Variants in SHANK2 observed in about 807,000 individuals in gnomAD.
SHANK2 encodes the protein SH3 and multiple ankyrin repeat domains 2, also known as SH3 and multiple ankyrin repeat domains protein 2.
A neutral mutation model predicts 133.7 loss-of-function variants in SHANK2; 43 were observed. The observed-to-expected ratio is 0.32, with a 90% CI of 0.25 to 0.41. The LOEUF (loss-of-function observed/expected upper bound fraction) is 0.41. Among genes scored for constraint, SHANK2 ranks in the 10% least tolerant of loss-of-function variants. SHANK2 has a pLI of 1.00. For missense variants in SHANK2, 1,994 were observed against 2,235.8 expected (o/e 0.89, Z 2.18); for synonymous variants, 1,017 against 952.8 (o/e 1.07, Z -1.24).
In SHANK2 at chr11:71,188,844, C is replaced by T. The variant is rs1020570481; in HGVS notation, c.-13+35853G>A. ...GGTTTCTCAGGGACCCTGACCTTCT[C>T]TCTAGCAGGGGTCACCCCTCACAGA... On this transcript the variant is annotated intron_variant, in intron 2 of 25. Coordinates refer to ENST00000601538, the MANE Select transcript of SHANK2 (RefSeq NM_012309.5). This position sits in a 1 kb window ranked among gnomAD's most constrained non-coding sequence, Gnocchi z 4.6. Among the ~76,000 whole-genome samples the T allele has an allele frequency of 6.6e-6, 1 of 152,330 alleles. No homozygotes were observed. The highest frequency in any genetic ancestry group is 2.1e-4 in the South Asian group (1 of 4,818).
upstream of SHANK2, among the ~76,000 whole-genome samples, chr11:71,253,153 G>A (rs1555126178): frequency 2.0e-5 from 3 of 152,218 alleles, no homozygotes; most frequent in African/African-American, 7.2e-5. Context: ...CAGGGGGTGG[G>A]GTGGGGGGAG....
At chr11:71,077,479 GC>G (rs1951236992) in intron 8 of SHANK2, among the ~76,000 whole-genome samples, 1 of 152,136 alleles carries the variant, frequency 6.6e-6, no homozygotes, top group South Asian at 2.1e-4. Flanking sequence ...CCAAGAGCAT[GC>G]TTCCATTTTC....
At chr11:70,481,863 G>A (rs2058737300) in intron 25 of SHANK2, among the ~76,000 whole-genome samples, 1 of 152,236 alleles carries the variant, frequency 6.6e-6, no homozygotes, top group African/African-American at 2.4e-5. Context: ...TGAAGACCAC[G>A]CCCAGCAAAG....
intron 10 of SHANK2, among the ~76,000 whole-genome samples, chr11:70,914,329 G>C (rs1370534247): frequency 1.3e-5 from 2 of 151,970 alleles, no homozygotes; most frequent in African/African-American, 4.8e-5. Flanking sequence ...GGCACCAGGA[G>C]AGCATGAGCA....
At chr11:71,123,786 T>C (rs1407190711) in intron 3 of SHANK2, among the ~76,000 whole-genome samples, 3 of 152,158 alleles carry the variant, frequency 2.0e-5, no homozygotes, top group African/African-American at 7.2e-5. Flanking sequence ...GACAACAGTG[T>C]ATAGGAAGTC....
intron 17 of SHANK2, among the ~76,000 whole-genome samples, chr11:70,600,859 G>C (rs2060486007): frequency 6.6e-6 from 1 of 151,938 alleles, no homozygotes; most frequent in South Asian, 2.1e-4. Flanking sequence ...AATAAGATTG[G>C]GAAACAGCTT....
intron 3 of SHANK2, among the ~76,000 whole-genome samples, chr11:71,125,219 C>T (rs1952159891): frequency 6.6e-6 from 1 of 152,128 alleles, no homozygotes; most frequent in Admixed American, 6.6e-5. Context: ...AAGAGTCACA[C>T]ATCTCTCATT....
At chr11:70,626,049 A>C (rs2060900862) in intron 17 of SHANK2, among the ~76,000 whole-genome samples, 1 of 151,988 alleles carries the variant, frequency 6.6e-6, no homozygotes, top group South Asian at 2.1e-4. Flanking sequence ...TCTCACTCCC[A>C]GGCAGCCTCC....
chr11:71,182,280 T>C (rs1467403973), intron 2 of SHANK2, among the ~76,000 whole-genome samples: 3 of 152,236 alleles, frequency 2.0e-5, no homozygotes, highest in Non-Finnish European at 2.9e-5. Context: ...ACAGTGCCTG[T>C]CTTTGTTCAG....
intron 17 of SHANK2, among the ~76,000 whole-genome samples, chr11:70,578,795 G>A (rs1006253079): frequency 3.3e-5 from 5 of 152,166 alleles, no homozygotes; most frequent in African/African-American, 1.2e-4. Context: ...TCTCAAAGGG[G>A]GATGATTGCT....
chr11:71,092,986 G>C (rs1951543726), intron 7 of SHANK2, among the ~76,000 whole-genome samples: 1 of 132,112 alleles, frequency 7.6e-6, no homozygotes, highest in East Asian at 2.6e-4. Context: ...AGGTTGCAGT[G>C]ATCCAAGATT....
At chr11:70,740,530 G>A (rs976255809) in intron 14 of SHANK2, among the ~76,000 whole-genome samples, 7 of 152,084 alleles carry the variant, frequency 4.6e-5, no homozygotes, top group African/African-American at 1.2e-4. Flanking sequence ...TAGCTGAAGC[G>A]CCCTCATCCC....
intron 17 of SHANK2, among the ~76,000 whole-genome samples, chr11:70,516,740 G>T (rs782387955): frequency 6.6e-6 from 1 of 152,160 alleles, no homozygotes; most frequent in Non-Finnish European, 1.5e-5. Context: ...CAAAAAGAAA[G>T]AACTCTTACA....
chr11:70,649,680 A>G (rs575043002), intron 17 of SHANK2, among the ~76,000 whole-genome samples: 18 of 152,272 alleles, frequency 1.2e-4, no homozygotes, highest in African/African-American at 4.3e-4. Flanking sequence ...AGAGGCACCA[A>G]TGGGTGCATC....
chr11:70,861,645 A>C (rs1239832432), intron 11 of SHANK2, among the ~76,000 whole-genome samples: 1 of 152,146 alleles, frequency 6.6e-6, no homozygotes, highest in Non-Finnish European at 1.5e-5. Flanking sequence ...TTAACTCTGT[A>C]GCTCAGGGCC....
At chr11:70,544,849 C>T (rs1005746086) in intron 17 of SHANK2, among the ~76,000 whole-genome samples, 8 of 152,234 alleles carry the variant, frequency 5.3e-5, no homozygotes, top group African/African-American at 1.2e-4. Context: ...GGCAAGGCAC[C>T]GGTGTCCCCA....
At chr11:71,131,284 C>T (rs1242509629) in intron 3 of SHANK2, among the ~76,000 whole-genome samples, 1 of 152,176 alleles carries the variant, frequency 6.6e-6, no homozygotes, top group Non-Finnish European at 1.5e-5. Context: ...GGGTAACACA[C>T]GAAGCTGAAA....
At chr11:71,072,487 G>A (rs1370012153) in intron 9 of SHANK2, among the ~76,000 whole-genome samples, 2 of 152,210 alleles carry the variant, frequency 1.3e-5, no homozygotes, top group Non-Finnish European at 2.9e-5. Context: ...TGGTCTTACA[G>A]GGAAGTGTGA....
intron 23 of SHANK2, 83 bp from the exon 24 acceptor site, chr11:70,489,431 A>G: frequency 7.3e-7 from 1 of 1,366,568 alleles, no homozygotes; most frequent in Non-Finnish European, 1.0e-6. Flanking sequence ...GTGCAGGGGG[A>G]GCTTTAAGCA....
Sources: gnomAD v4.1 joint callset for allele counts (sites outside exome capture counted in the v4.1 genomes callset) on GRCh38, gnomAD v4.1.1 for gene constraint, Gnocchi (gnomAD v3.1) non-coding constraint, MANE v1.5 for transcripts, NCBI Gene and HGNC (gene_info 2026-07-23, HGNC 2026-07-21) for gene names.